PEX14: variants seen among roughly 807,000 people sequenced by gnomAD.
PEX14 encodes peroxisomal biogenesis factor 14.
PEX14 carries 15 observed loss-of-function variants against 49.5 expected under a neutral mutation model. The ratio of observed to expected loss-of-function variants is 0.30; its 90% CI spans 0.20 to 0.47. The LOEUF is 0.47. Among genes scored for constraint, PEX14 ranks in the 20% least tolerant of loss-of-function variants. The pLI, the probability that PEX14 is intolerant of heterozygous loss-of-function variation, is 1.00. For synonymous variants in PEX14, 210 were observed against 212.7 expected, an observed-to-expected ratio of 0.99 and a Z score of 0.11; for missense variants, 398 against 494.8, an observed-to-expected ratio of 0.80 and a Z score of 1.86.
Position 10,535,397 on chromosome 1 carries a change from T to A in PEX14, c.85-816T>A, listed in dbSNP as rs375533916. ...CATTACCAGAGGCAGGTAGACAATC[T>A]GTCAATCTGTCAGCTTTTAGCCATG... On this transcript the variant is annotated intron_variant, in intron 2 of 8. Transcript: ENST00000356607. 2.2e-4 allele frequency among the ~76,000 whole-genome samples: 33 copies of A among 152,356 alleles called. 1 individual carries two copies. The South Asian group carries it at 6.8e-3, about 32-fold the overall frequency.
intron 7 of PEX14, among the ~76,000 whole-genome samples, chr1:10,625,756 T>C (rs553146006): frequency 1.1e-3 from 175 of 152,340 alleles, no homozygotes; most frequent in African/African-American, 4.1e-3. Flanking sequence ...ATTCCGGAAA[T>C]TGGAAAACTG....
chr1:10,555,431 A>G (rs1040224230), intron 3 of PEX14, among the ~76,000 whole-genome samples: 2 of 152,102 alleles, frequency 1.3e-5, no homozygotes, highest in Non-Finnish European at 2.9e-5. Flanking sequence ...AATGTAAAAT[A>G]AGGGAGGGAA....
intron 1 of PEX14, among the ~76,000 whole-genome samples, chr1:10,480,387 CTTT>C (rs34544712): frequency 2.3e-5 from 2 of 87,304 alleles, no homozygotes; most frequent in African/African-American, 5.3e-5. Flanking sequence ...GCCTGGCTAA[CTTT>C]TTTTTTTTTT....
At chr1:10,620,902 C>T (rs2124636384) in intron 5 of PEX14, among the ~76,000 whole-genome samples, 1 of 152,322 alleles carries the variant, frequency 6.6e-6, no homozygotes, top group South Asian at 2.1e-4. Flanking sequence ...TGTATACAAG[C>T]ACCAAGAAGA....
intron 3 of PEX14, among the ~76,000 whole-genome samples, chr1:10,574,714 A>G (rs1640072032): frequency 6.6e-6 from 1 of 152,198 alleles, no homozygotes; most frequent in African/African-American, 2.4e-5. Flanking sequence ...GAAGAAAAAA[A>G]GGCCAGTTTT....
chr1:10,587,504 A>G (rs539971139), intron 3 of PEX14, among the ~76,000 whole-genome samples: 1 of 152,294 alleles, frequency 6.6e-6, no homozygotes, highest in East Asian at 1.9e-4. Context: ...TGGCAAAGAT[A>G]AAAAGCTTAA....
At chr1:10,565,237 C>T (rs900608788) in intron 3 of PEX14, among the ~76,000 whole-genome samples, 1 of 152,130 alleles carries the variant, frequency 6.6e-6, no homozygotes, top group Non-Finnish European at 1.5e-5. Context: ...TATTGCATGA[C>T]AGTGAATAAT....
At position 10,613,391 on chromosome 1, in the gene PEX14, C is replaced by T. The variant is rs1236794330; in HGVS notation, c.299-4941C>T. ...TTGCGCAGGCTGACCTCCATGGAGC[C>T]GGGCAGAGCTTAAGCTAGTTCGTGG... On this transcript the variant is annotated intron_variant, in intron 4 of 8. Transcript: ENST00000356607. The surrounding 1 kb of genome is among the most constrained non-coding windows in gnomAD (Gnocchi z 5.0). 2.0e-5 allele frequency among the ~76,000 whole-genome samples: 3 copies of T among 152,152 alleles called. No homozygotes were observed. The highest frequency in any genetic ancestry group is 2.9e-5 in the Non-Finnish European group (2 of 68,030).
intron 1 of PEX14, among the ~76,000 whole-genome samples, chr1:10,484,354 G>C (rs1210500764): frequency 9.2e-5 from 14 of 151,402 alleles, no homozygotes; most frequent in Admixed American, 9.2e-4. Context: ...TTTTTGTTTA[G>C]TAGAGATGGG....
rs143134880 is a variant in PEX14, at chr1:10,502,712, G to A, written c.84+7391G>A. Among the ~76,000 whole-genome samples the A allele has an allele frequency of 2.0e-4, 30 of 152,002 alleles. No homozygotes were observed. The East Asian group carries it at 5.4e-3, about 27-fold the overall frequency. On this transcript the variant is annotated intron_variant, in intron 2 of 8. Transcript: ENST00000356607. ...GATAAATGGGCAGTGTCCTTATTTC[G>A]AGGATATGGGAACTGAGGAACTGAG... is the stretch of plus-strand genomic sequence containing the variant.
At chr1:10,591,288 G>C (rs1030598285) in intron 3 of PEX14, among the ~76,000 whole-genome samples, 1 of 151,920 alleles carries the variant, frequency 6.6e-6, no homozygotes, top group African/African-American at 2.4e-5. Flanking sequence ...TGCTGTGGTC[G>C]CAGCCACAGT....
rs1641635816 is a variant in PEX14, at chr1:10,622,964, TTGGAGGATAACCCCGGGTCCGTA to T, written c.385-52_385-30del. The T allele has an allele frequency of 3.2e-6, 4 of 1,240,114 alleles. No homozygotes were observed. The Admixed American group carries it at 7.5e-5, about 23-fold the overall frequency. 76.8% of individuals were successfully genotyped at this position (1,240,114 alleles called of 1,614,324 possible). A position where few individuals can be genotyped will look rare whatever the true frequency, so the allele number is the denominator to read the frequency against. On this transcript the variant is annotated intron_variant, in intron 5 of 8. Transcript: ENST00000356607. Reference sequence around the variant, plus strand: ...TTGGGCGGCAGAATTTGAGAGATTGTTGGAGGATAACCCCGGGTCCGTATGCATTCCTCACCCTGTCCCGCTTC... The same window carrying T: ...TTGGGCGGCAGAATTTGAGAGATTGTTGCATTCCTCACCCTGTCCCGCTTC...
intron 4 of PEX14, among the ~76,000 whole-genome samples, chr1:10,610,408 T>TAC (rs747586380): frequency 7.3e-5 from 11 of 149,982 alleles, no homozygotes; most frequent in Admixed American, 1.3e-4. Context: ...CATATATATA[T>TAC]ACACAGAGAG....
chr1:10,535,307 A>C lies in PEX14; in HGVS notation c.85-906A>C, dbSNP rs537355871. On this transcript the variant is annotated intron_variant, in intron 2 of 8. Coordinates refer to ENST00000356607, the MANE Select transcript of PEX14 (RefSeq NM_004565.3). ...GAGTGATGTGAAGGTTAATACCTGC[A>C]GCGGTGCCCCTTCCATCCCCTGCCC... 2.0e-5 allele frequency among the ~76,000 whole-genome samples: 3 copies of C among 152,368 alleles called. No individual in the cohort carries two copies. In the East Asian group the frequency reaches 5.8e-4, roughly 29 times the overall value.
At chr1:10,558,847 T>C (rs535615887) in intron 3 of PEX14, among the ~76,000 whole-genome samples, 2 of 152,244 alleles carry the variant, frequency 1.3e-5, no homozygotes, top group South Asian at 2.1e-4. Flanking sequence ...AAGTAAAATA[T>C]GTAATGCCCC....
At chr1:10,536,323 C>T in intron 3 of PEX14, 26 bp downstream of exon 3, 1 of 1,366,458 alleles carries the variant, frequency 7.3e-7, no homozygotes, top group Non-Finnish European at 1.0e-6. Context: ...GGCTGTGCAG[C>T]ACGGCCTACA....
chr1:10,501,049 C>G (rs1557813786), intron 2 of PEX14, among the ~76,000 whole-genome samples: 1 of 152,084 alleles, frequency 6.6e-6, no homozygotes, highest in Non-Finnish European at 1.5e-5. Context: ...GTAATGAAAC[C>G]AGCCATTTAG....
intron 3 of PEX14, among the ~76,000 whole-genome samples, chr1:10,594,635 G>A (rs928194245): frequency 2.6e-5 from 4 of 152,216 alleles, no homozygotes; most frequent in African/African-American, 9.6e-5. Flanking sequence ...GCTGTCTTCT[G>A]TCATCTGTCT....
At chr1:10,563,182 T>C (rs12750901) in intron 3 of PEX14, among the ~76,000 whole-genome samples, 91,869 of 149,518 alleles carry the variant, frequency 0.61, 29,499 homozygotes, top group Admixed American at 0.7. Flanking sequence ...TCCCAAAGTG[T>C]TGGGATTACA....
Sources: allele counts gnomAD v4.1 joint callset (sites outside exome capture counted in the v4.1 genomes callset), GRCh38; gene constraint gnomAD v4.1.1; non-coding constraint Gnocchi (gnomAD v3.1); transcripts MANE v1.5; gene names NCBI Gene and HGNC (gene_info 2026-07-23, HGNC 2026-07-21).